The following E2F3 variants were observed in gnomAD, a reference collection of about 807,000 sequenced individuals.
E2F3 encodes transcription factor E2F3.
E2F3 carries 11 observed loss-of-function variants against 44.4 expected under a neutral mutation model. The observed-to-expected ratio is 0.25, with a 90% CI of 0.16 to 0.41. The LOEUF (loss-of-function observed/expected upper bound fraction) is 0.41. Ranked by LOEUF, E2F3 falls within the 10% of genes least tolerant of loss-of-function variation. The pLI, the probability that E2F3 is intolerant of heterozygous loss-of-function variation, is 1.00. For missense variants in E2F3, 487 were observed against 583.6 expected, an observed-to-expected ratio of 0.83 and a Z score of 1.70; for synonymous variants, 249 against 253.0, an observed-to-expected ratio of 0.98 and a Z score of 0.15.
At chr6:20,483,379 T>C (rs1247064322) in intron 4 of E2F3, among the ~76,000 whole-genome samples, 4 of 152,204 alleles carry the variant, frequency 2.6e-5, no homozygotes, top group African/African-American at 9.7e-5. Context: ...TCACCAGATA[T>C]CGTAGCAATT....
intron 1 of E2F3, among the ~76,000 whole-genome samples, chr6:20,435,887 TA>T (rs1282182449): frequency 6.6e-6 from 1 of 152,168 alleles, no homozygotes; most frequent in Admixed American, 6.5e-5. Context: ...TTACAGCCCT[TA>T]TCTTGCTTTC....
chr6:20,441,817 C>G (rs548062476), intron 1 of E2F3, among the ~76,000 whole-genome samples: 1 of 150,182 alleles, frequency 6.7e-6, no homozygotes, highest in South Asian at 2.1e-4. Flanking sequence ...ATCCACCCAC[C>G]TTGGCCTCCC....
intron 1 of E2F3, among the ~76,000 whole-genome samples, chr6:20,444,465 G>A (rs528784478): frequency 1.3e-5 from 2 of 152,036 alleles, no homozygotes; most frequent in African/African-American, 2.4e-5. Flanking sequence ...CTACTTCTTA[G>A]TTCATTCCTA....
At chr6:20,461,052 G>GCCAGGTAAT (rs1761489797) in intron 1 of E2F3, among the ~76,000 whole-genome samples, 1 of 146,310 alleles carries the variant, frequency 6.8e-6, no homozygotes, top group Non-Finnish European at 1.5e-5. Flanking sequence ...TATTAACACT[G>GCCAGGTAAT]CCAGGTAATC....
chr6:20,439,153 A>T (rs1050439929), intron 1 of E2F3, among the ~76,000 whole-genome samples: 3 of 152,214 alleles, frequency 2.0e-5, no homozygotes, highest in African/African-American at 7.2e-5. Flanking sequence ...AATTTTCCTA[A>T]CTAAATGGAA....
intron 1 of E2F3, among the ~76,000 whole-genome samples, chr6:20,418,778 A>T (rs902622665): frequency 1.3e-5 from 2 of 151,810 alleles, no homozygotes; most frequent in African/African-American, 4.8e-5. Flanking sequence ...GGACACTGTC[A>T]TTCACCCACC....
At chr6:20,422,423 G>A (rs1041129282) in intron 1 of E2F3, among the ~76,000 whole-genome samples, 4 of 152,182 alleles carry the variant, frequency 2.6e-5, no homozygotes, top group Admixed American at 6.5e-5. Context: ...TTTTGTTCTC[G>A]TGTCATTTGT....
chr6:20,424,970 G>T (rs1351214119), intron 1 of E2F3, among the ~76,000 whole-genome samples: 2 of 152,142 alleles, frequency 1.3e-5, no homozygotes, highest in Admixed American at 1.3e-4. Flanking sequence ...CTCACATGAC[G>T]AGGGCAGGCC....
chr6:20,419,757 G>T (rs1759964473), intron 1 of E2F3, among the ~76,000 whole-genome samples: 1 of 151,948 alleles, frequency 6.6e-6, no homozygotes, highest in South Asian at 2.1e-4. Context: ...GTAGAGTTGG[G>T]GTTTCACCGT....
At chr6:20,487,083 G>A (rs1762418925) in intron 5 of E2F3, among the ~76,000 whole-genome samples, 1 of 152,028 alleles carries the variant, frequency 6.6e-6, no homozygotes, top group Non-Finnish European at 1.5e-5. Context: ...TGTCATCAAC[G>A]GTTTTGATCA....
intron 1 of E2F3, among the ~76,000 whole-genome samples, chr6:20,471,195 A>G (rs1466335879): frequency 1.3e-5 from 2 of 152,182 alleles, no homozygotes; most frequent in African/African-American, 4.8e-5. Flanking sequence ...TTTAAGTTAC[A>G]TATGTCGCTG....
intron 1 of E2F3, among the ~76,000 whole-genome samples, chr6:20,407,317 C>T (rs768210583): frequency 3.9e-5 from 6 of 152,150 alleles, no homozygotes; most frequent in Non-Finnish European, 7.3e-5. Context: ...GTACCAAGGG[C>T]GCCACTCTAA....
rs1284334885 is a variant in E2F3 at position 20,402,182 on chromosome 6, T to A, written c.-51T>A. 1.3e-6 allele frequency: 2 copies of A among 1,504,198 alleles called. No individual in the cohort carries two copies. The highest frequency in any genetic ancestry group is 4.9e-5 in the East Asian group (2 of 40,436). The allele number at this position is 1,504,198 out of a possible 1,614,324, so 93.2% of individuals were successfully genotyped here. On this transcript the variant is annotated 5_prime_UTR_variant, in exon 1 of 7. Coordinates refer to ENST00000346618, the MANE Select transcript of E2F3 (RefSeq NM_001949.5). This position sits in a 1 kb window ranked among gnomAD's most constrained non-coding sequence, Gnocchi z 5.6. ...CTCCGACTGCAAATAATAAAGAAAT[T>A]GAAAACAATACATTAATATACCATA...
Position 20,490,710 on chromosome 6 carries a change from A to G in E2F3, c.*280A>G. On this transcript the variant is annotated 3_prime_UTR_variant, in exon 7 of 7. Coordinates refer to ENST00000346618, the MANE Select transcript of E2F3 (RefSeq NM_001949.5). The surrounding 1 kb of genome is among the most constrained non-coding windows in gnomAD (Gnocchi z 4.3). The stretch of plus-strand genomic sequence containing the variant: ...TCAGCAAGTGAGAAAATGTGCAATC[A>G]GGTGTCTCTCACCCCGAATTGTCCT... 1 of 290,020 alleles carries G rather than the reference A, an allele frequency of 3.4e-6. No homozygotes were observed. The highest frequency in any genetic ancestry group is 6.4e-6 in the Non-Finnish European group (1 of 157,138). The allele number at this position is 290,020 out of a possible 1,614,324, so 18.0% of individuals were successfully genotyped here.
intron 1 of E2F3, among the ~76,000 whole-genome samples, chr6:20,473,449 A>G (rs1761953818): frequency 6.6e-6 from 1 of 152,222 alleles, no homozygotes; most frequent in African/African-American, 2.4e-5. Flanking sequence ...AGATAACAAA[A>G]TTGAGTGGAA....
chr6:20,489,565 A>G (rs1035513372), intron 6 of E2F3, among the ~76,000 whole-genome samples: 3 of 152,254 alleles, frequency 2.0e-5, no homozygotes, highest in African/African-American at 7.2e-5. Flanking sequence ...TTTTCTTAAA[A>G]CAATGACTAG....
chr6:20,455,246 T>C (rs542121123), intron 1 of E2F3, among the ~76,000 whole-genome samples: 2 of 152,218 alleles, frequency 1.3e-5, no homozygotes, highest in Non-Finnish European at 2.9e-5. Context: ...AGTATGTGTT[T>C]CTCTCCATAT....
At chr6:20,434,539 C>T (rs1203723862) in intron 1 of E2F3, among the ~76,000 whole-genome samples, 1 of 152,172 alleles carries the variant, frequency 6.6e-6, no homozygotes, top group Non-Finnish European at 1.5e-5. Flanking sequence ...CTTAGACCCA[C>T]CGAAAGCTCT....
chr6:20,485,163 C>T (rs1183115493), intron 4 of E2F3, among the ~76,000 whole-genome samples: 3 of 152,030 alleles, frequency 2.0e-5, no homozygotes, highest in Admixed American at 6.6e-5. Context: ...AAAATAATAA[C>T]GGGCTAAAGA....
Sources: allele counts gnomAD v4.1 joint callset (sites outside exome capture counted in the v4.1 genomes callset), GRCh38; gene constraint gnomAD v4.1.1; non-coding constraint Gnocchi (gnomAD v3.1); transcripts MANE v1.5; gene names NCBI Gene and HGNC (gene_info 2026-07-23, HGNC 2026-07-21).